The following HCLS1 variants were observed in gnomAD, a reference collection of about 807,000 sequenced individuals.
The protein encoded by HCLS1 is hematopoietic cell-specific Lyn substrate 1.
Under a neutral mutation model 68.6 loss-of-function variants are expected in HCLS1, and 44 were observed. The observed-to-expected ratio is 0.64, with a 90% confidence interval of 0.50 to 0.82. The LOEUF is 0.82. Ranked by LOEUF, HCLS1 falls within the 40% of genes least tolerant of loss-of-function variation. The probability of loss-of-function intolerance (pLI) is 0.00; values close to 1 mark genes in which losing one functional copy is unlikely to be tolerated. For synonymous variants in HCLS1, 217 were observed against 225.8 expected (o/e 0.96, Z 0.35); for missense variants, 602 against 612.1 (o/e 0.98, Z 0.17).
At chr3:121,645,736 T>C (rs764571987) in intron 4 of HCLS1, among the ~76,000 whole-genome samples, 2 of 151,568 alleles carry the variant, frequency 1.3e-5, no homozygotes, top group Non-Finnish European at 2.9e-5. Flanking sequence ...ATGACTACTG[T>C]ACTTTTGAAT....
intron 4 of HCLS1, among the ~76,000 whole-genome samples, chr3:121,645,933 C>T (rs13090660): frequency 0.22 from 30,401 of 137,698 alleles, 3,807 homozygotes; most frequent in Non-Finnish European, 0.29. Context: ...TTAAAATATA[C>T]ATAATATAAA....
Position 121,655,210 on chromosome 3 carries a change from A to G in HCLS1, c.158+2069T>C, listed in dbSNP as rs149543747. Among the ~76,000 whole-genome samples, 198 of 152,304 alleles carry G rather than the reference A, an allele frequency of 1.3e-3. 1 individual carries two copies. Among genetic ancestry groups the G allele is most frequent in the African/African-American group, 4.4e-3 (183 of 41,560 alleles). ...GTGATCTGTGTATAGGAGTTGTGCAATCCAACAGTCCAGGTAGACACCACT... is the reference window on the plus strand; with the variant it reads ...GTGATCTGTGTATAGGAGTTGTGCAGTCCAACAGTCCAGGTAGACACCACT... On this transcript the variant is annotated intron_variant, in intron 3 of 13. Coordinates refer to ENST00000314583, the MANE Select transcript of HCLS1 (RefSeq NM_005335.6).
rs574026638 is a variant in HCLS1 at position 121,650,814 on chromosome 3, TC to T, written c.159-3367del. 3.3e-5 allele frequency among the ~76,000 whole-genome samples: 5 copies of T among 152,242 alleles called. No individual in the cohort carries two copies. In the South Asian group the frequency reaches 1.0e-3, roughly 32 times the overall value. On this transcript the variant is annotated intron_variant, in intron 3 of 13. Transcript: ENST00000314583. ...AAATTAGACATCATCAGGATTAAGATCTTTTGCTCTTAAAAAGATGCCATTA... is the reference window on the plus strand; with the variant it reads ...AAATTAGACATCATCAGGATTAAGATTTTTGCTCTTAAAAAGATGCCATTA...
rs1443436397 is a variant in HCLS1, at chr3:121,632,353, A to G, written c.1219T>C (p.Ser407Pro). The stretch of plus-strand genomic sequence containing the variant: ...TCACCAGCCAGAGCAGAAGAAAAAG[A>G]AGAATCTTCAGGCTCGAGCACCTCC... ...YEEVLEPEDS[S>P]FSSALAGSSG... is the part of the protein sequence containing the mutation. The change falls in exon 12 of 14, where the codon TCT becomes CCT. Residue 407 changes from serine to proline, a missense_variant. By Grantham distance (74) the Ser-to-Pro change is moderately conservative (BLOSUM62 -1). Transcript: ENST00000314583. 1 of 1,614,102 alleles carries G rather than the reference A, an allele frequency of 6.2e-7. No individual in the cohort carries two copies. Among genetic ancestry groups the G allele is most frequent in the Non-Finnish European group, 8.5e-7 (1 of 1,180,010 alleles).
intron 6 of HCLS1, 93 bp downstream of exon 6, chr3:121,642,834 T>C (rs2049213247): frequency 3.0e-6 from 3 of 1,013,300 alleles, no homozygotes; most frequent in Non-Finnish European, 4.7e-6. Flanking sequence ...TCATGGAAGT[T>C]AAAAAGCTGA....
chr3:121,632,308 C>T, intron 12 of HCLS1, 24 bp downstream of exon 12: 1 of 1,611,570 alleles, frequency 6.2e-7, no homozygotes, highest in Non-Finnish European at 8.5e-7. Context: ...AGCAAATTCT[C>T]CTGCTTCTCC....
intron 4 of HCLS1, 70 bp downstream of exon 4, chr3:121,647,249 G>A (rs1426157249): frequency 6.5e-7 from 1 of 1,537,736 alleles, no homozygotes; most frequent in Middle Eastern, 1.7e-4. Context: ...CCAAAGTGCT[G>A]GGATTACAGG....
At chr3:121,643,100 T>G in intron 5 of HCLS1, 119 bp from the exon 6 acceptor site, 1 of 761,988 alleles carries the variant, frequency 1.3e-6, no homozygotes, top group Non-Finnish European at 2.3e-6. Flanking sequence ...AGGCTGAGTA[T>G]AGGTGTTTAA....
At chr3:121,638,509 A>G (rs1227954234) in intron 6 of HCLS1, among the ~76,000 whole-genome samples, 1 of 152,090 alleles carries the variant, frequency 6.6e-6, no homozygotes, top group Non-Finnish European at 1.5e-5. Context: ...AATTCTACTC[A>G]TTTACTCAGG....
In HCLS1 at chr3:121,632,186, T is replaced by A. The variant is rs1220602009; in HGVS notation, c.1241-2A>T. On this transcript the variant is annotated splice_acceptor_variant, in intron 12 of 13. Coordinates refer to ENST00000314583, the MANE Select transcript of HCLS1 (RefSeq NM_005335.6). LOFTEE classifies it high-confidence loss of function. ...CCCCAGCCGGGCAGCCTGATGATCC[T>A]GCATAATGAGAAACACAAACATGGG... The A allele has an allele frequency of 8.7e-6, 14 of 1,613,840 alleles. No homozygotes were observed. Among genetic ancestry groups the A allele is most frequent in the Non-Finnish European group, 1.1e-5 (13 of 1,179,882 alleles).
chr3:121,638,232 A>C (rs2049167525), intron 6 of HCLS1, among the ~76,000 whole-genome samples: 1 of 151,544 alleles, frequency 6.6e-6, no homozygotes, highest in Admixed American at 6.6e-5. Context: ...TTGCTAATTT[A>C]AAAAAAAATC....
Position 121,646,058 on chromosome 3 carries a change from ATAT to A in HCLS1, c.289-1133_289-1131del, listed in dbSNP as rs912615668. On this transcript the variant is annotated intron_variant, in intron 4 of 13. Coordinates refer to ENST00000314583, the MANE Select transcript of HCLS1 (RefSeq NM_005335.6). ...AATATATAATGTATTAATATATAAT[ATAT>A]TAATTATATACTTGTATTAATATAT... 4.0e-5 allele frequency among the ~76,000 whole-genome samples: 5 copies of A among 126,106 alleles called. No homozygotes were observed. In the East Asian group the frequency reaches 1.1e-3, roughly 28 times the overall value. 82.7% of individuals were successfully genotyped at this position (126,106 alleles called of 152,430 possible).
Position 121,642,849 on chromosome 3 carries a change from A to C in HCLS1, c.454+78T>G, listed in dbSNP as rs569679474. 1,618 of 1,107,514 alleles carry C rather than the reference A, an allele frequency of 1.5e-3. 6 individuals carry two copies. The highest frequency in any genetic ancestry group is 1.8e-3 in the Non-Finnish European group (1,296 of 719,222). 68.6% of individuals were successfully genotyped at this position (1,107,514 alleles called of 1,614,324 possible). A position where few individuals can be genotyped will look rare whatever the true frequency, so the allele number is the denominator to read the frequency against. The stretch of plus-strand genomic sequence containing the variant: ...TCATGGAAGTTAAAAAGCTGATGAC[A>C]ACTGCTGGAAGATAAAGTCTTAGCA... On this transcript the variant is annotated intron_variant, in intron 6 of 13. Transcript: ENST00000314583.
At chr3:121,635,137 C>T (rs1040195870) in intron 9 of HCLS1, among the ~76,000 whole-genome samples, 1 of 152,100 alleles carries the variant, frequency 6.6e-6, no homozygotes, top group Non-Finnish European at 1.5e-5. Flanking sequence ...ACTGTGTTCT[C>T]TGCCTCCGAT....
At chr3:121,644,597 T>C in intron 5 of HCLS1, 1 of 665,482 alleles carries the variant, frequency 1.5e-6, no homozygotes, top group Non-Finnish European at 2.8e-6. Flanking sequence ...AGTTTGAGAG[T>C]CTTCTCCTAT....
At chr3:121,656,458 T>C (rs1937872744) in intron 3 of HCLS1, among the ~76,000 whole-genome samples, 1 of 152,226 alleles carries the variant, frequency 6.6e-6, no homozygotes, top group Non-Finnish European at 1.5e-5. Context: ...TAGATGATCC[T>C]GAATCATCCG....
chr3:121,660,744 G>A (rs1350683782), intron 1 of HCLS1, 76 bp downstream of exon 1: 1 of 152,332 alleles, frequency 6.6e-6, no homozygotes, highest in Non-Finnish European at 1.5e-5. Context: ...CCATCACCAA[G>A]GACTAAGAGC....
chr3:121,655,823 CATTT>C (rs58817111), intron 3 of HCLS1, among the ~76,000 whole-genome samples: 3,881 of 137,860 alleles, frequency 0.028, 70 homozygotes, highest in East Asian at 0.081. Context: ...TAATTGAAAC[CATTT>C]ATTTATTTAT....
chr3:121,646,094 T>TAATTATATACTTATATATAATATATA (rs2049244612), intron 4 of HCLS1, among the ~76,000 whole-genome samples: 1 of 121,932 alleles, frequency 8.2e-6, no homozygotes, highest in Non-Finnish European at 1.6e-5. Context: ...TATAATATAT[T>TAATTATATACTTATATATAATATATA]AATTATATAC....
Sources: gnomAD v4.1 joint callset for allele counts (sites outside exome capture counted in the v4.1 genomes callset) on GRCh38, gnomAD v4.1.1 for gene constraint, MANE v1.5 for transcripts, NCBI Gene and HGNC (gene_info 2026-07-23, HGNC 2026-07-21) for gene names.